The following CD200R1 variants were observed in gnomAD, a reference collection of about 807,000 sequenced individuals.
The protein encoded by CD200R1 is CD200 receptor 1.
Under a neutral mutation model 38.1 loss-of-function variants are expected in CD200R1, and 30 were observed. The observed-to-expected ratio is 0.79, with a 90% CI of 0.59 to 1.07. CD200R1 has a LOEUF of 1.07. Among genes scored for constraint, CD200R1 ranks in the 50% least tolerant of loss-of-function variants. The pLI is 0.00. For synonymous variants in CD200R1, 128 were observed against 152.1 expected (o/e 0.84, Z 1.16); for missense variants, 372 against 415.4 (o/e 0.90, Z 0.91).
intron 2 of CD200R1, among the ~76,000 whole-genome samples, chr3:112,943,107 C>A (rs1001330886): frequency 6.6e-6 from 1 of 151,608 alleles, no homozygotes; most frequent in African/African-American, 2.4e-5. Flanking sequence ...TAGCTGAATT[C>A]AACAATACCA....
At chr3:112,945,974 A>C (rs1940844051) in intron 2 of CD200R1, among the ~76,000 whole-genome samples, 1 of 142,264 alleles carries the variant, frequency 7.0e-6, no homozygotes, top group Non-Finnish European at 1.5e-5. Context: ...CGGAGCTTGC[A>C]GTGAGCCAAG....
intron 2 of CD200R1, among the ~76,000 whole-genome samples, chr3:112,931,915 C>T (rs1940451194): frequency 6.6e-6 from 1 of 152,092 alleles, no homozygotes; most frequent in South Asian, 2.1e-4. Flanking sequence ...CCTTCCACAT[C>T]CTCTTCCTGG....
intron 2 of CD200R1, among the ~76,000 whole-genome samples, chr3:112,934,662 C>T (rs896978140): frequency 6.6e-6 from 1 of 151,834 alleles, no homozygotes; most frequent in Non-Finnish European, 1.5e-5. Flanking sequence ...AAACCCCATC[C>T]CTACTAAAAA....
rs2107296786 is a variant in CD200R1, at chr3:112,921,937, C to G, written c.*1740G>C. ...TCTTGAACCTAACTATGAGCCTCAG[C>G]TCAACCAGGGTTGGATGAAGAATTA... On this transcript the variant is annotated 3_prime_UTR_variant, in exon 8 of 8. Coordinates refer to ENST00000308611, the MANE Select transcript of CD200R1 (RefSeq NM_138806.4). 6.6e-6 allele frequency: 1 copy of G among 152,168 alleles called. No individual in the cohort carries two copies. Among genetic ancestry groups the G allele is most frequent in the African/African-American group, 2.4e-5 (1 of 41,550 alleles). The allele number at this position is 152,168 out of a possible 1,614,324, so 9.4% of individuals were successfully genotyped here. A position where few individuals can be genotyped will look rare whatever the true frequency, so the allele number is the denominator to read the frequency against.
At chr3:112,925,282 C>A in intron 5 of CD200R1, 89 bp from the exon 6 acceptor site, 2 of 663,936 alleles carry the variant, frequency 3.0e-6, no homozygotes, top group Non-Finnish European at 5.2e-6. Flanking sequence ...AATGAGCTAT[C>A]AAACCATAAA....
intron 1 of CD200R1, among the ~76,000 whole-genome samples, chr3:112,963,520 C>A (rs557553852): frequency 4.6e-5 from 7 of 152,292 alleles, no homozygotes; most frequent in Admixed American, 3.9e-4. Flanking sequence ...ATACTGCCAG[C>A]ATTTTGCTCC....
chr3:112,954,389 C>T (rs1941039165), intron 1 of CD200R1, among the ~76,000 whole-genome samples: 1 of 151,876 alleles, frequency 6.6e-6, no homozygotes, highest in Non-Finnish European at 1.5e-5. Flanking sequence ...GGGTTTTGAC[C>T]CTGTTTCCTG....
Position 112,923,664 on chromosome 3 carries a change from A to C in CD200R1, c.*13T>G. The C allele has an allele frequency of 3.8e-5, 48 of 1,272,186 alleles. No homozygotes were observed. The highest frequency in any genetic ancestry group is 5.0e-5 in the Non-Finnish European group (44 of 879,732). The allele number at this position is 1,272,186 out of a possible 1,614,324, so 78.8% of individuals were successfully genotyped here. ...TCGTTTGTTGTTGTTTCTTGGTACT[A>C]GAGTCCAACAACTTATAAAGTATGG... On this transcript the variant is annotated 3_prime_UTR_variant, in exon 8 of 8. Transcript: ENST00000308611.
chr3:112,957,893 A>G (rs1941137490), intron 1 of CD200R1, among the ~76,000 whole-genome samples: 1 of 152,188 alleles, frequency 6.6e-6, no homozygotes. Context: ...AAGATGTTCA[A>G]TATTAGTAAC....
Position 112,974,889 on chromosome 3 carries a change from G to A in CD200R1, c.-32C>T. ...TTTCTCTTTTTCTGCCCTTCACTCA[G>A]TACTTTTCCTCCACACAGGTACAGA... On this transcript the variant is annotated 5_prime_UTR_variant, in exon 1 of 8. Coordinates refer to ENST00000308611, the MANE Select transcript of CD200R1 (RefSeq NM_138806.4). 6.3e-7 allele frequency: 1 copy of A among 1,581,194 alleles called. No individual in the cohort carries two copies. The highest frequency in any genetic ancestry group is 1.1e-5 in the South Asian group (1 of 90,178).
intron 5 of CD200R1, among the ~76,000 whole-genome samples, chr3:112,927,584 A>C (rs114067891): frequency 6.6e-6 from 1 of 152,194 alleles, no homozygotes; most frequent in Non-Finnish European, 1.5e-5. Context: ...AAACAAATGT[A>C]TAGAAGACAG....
intron 2 of CD200R1, among the ~76,000 whole-genome samples, chr3:112,939,953 G>GGAA (rs1940687217): frequency 2.7e-5 from 4 of 150,568 alleles, no homozygotes; most frequent in African/African-American, 9.7e-5. Context: ...AAACAGCATG[G>GGAA]TACTGGCATA....
chr3:112,937,159 C>T (rs1321904086), intron 2 of CD200R1, among the ~76,000 whole-genome samples: 1 of 152,086 alleles, frequency 6.6e-6, no homozygotes, highest in East Asian at 1.9e-4. Context: ...TCCTTTTTCA[C>T]ATGGCAGCAG....
chr3:112,945,889 G>T (rs1329684902), intron 2 of CD200R1, among the ~76,000 whole-genome samples: 1 of 151,994 alleles, frequency 6.6e-6, no homozygotes, highest in Admixed American at 6.6e-5. Context: ...TTAGCAGGGC[G>T]TGGTAGCTGG....
intron 2 of CD200R1, among the ~76,000 whole-genome samples, chr3:112,933,557 T>C (rs984019978): frequency 6.6e-6 from 1 of 152,026 alleles, no homozygotes; most frequent in Non-Finnish European, 1.5e-5. Flanking sequence ...GGTATCAACA[T>C]AGAAACACAT....
At position 112,923,554 on chromosome 3, in the gene CD200R1, C is replaced by G. The variant is rs1370124367; in HGVS notation, c.*123G>C. ...TATGAATGAGAATCCATTAAAATGT[C>G]TTCTAAGAACCTTGGAAAACCTAAT... On this transcript the variant is annotated 3_prime_UTR_variant, in exon 8 of 8. Transcript: ENST00000308611. 5 of 538,302 alleles carry G rather than the reference C, an allele frequency of 9.3e-6. No homozygotes were observed. The highest frequency in any genetic ancestry group is 1.6e-5 in the Non-Finnish European group (5 of 303,664). 33.3% of individuals were successfully genotyped at this position (538,302 alleles called of 1,614,324 possible).
rs897611284 is a variant in CD200R1 at position 112,931,113 on chromosome 3, G to A, written c.195C>T (p.Leu65=). The change falls in exon 3 of 8, where the codon CTC becomes CTT. Residue 65 remains leucine (L), a synonymous_variant. Coordinates refer to ENST00000308611, the MANE Select transcript of CD200R1 (RefSeq NM_138806.4). ...AGTAAGGAAGCATATTACCTTCTGCGAGTACTTTCGAGTAGTTCTGTGTAA... is the reference window on the plus strand; with the variant it reads ...AGTAAGGAAGCATATTACCTTCTGCAAGTACTTTCGAGTAGTTCTGTGTAA... The part of the protein sequence containing the change: ...KQITQNYSKV[L]AEVNTSWPVK... 9 of 1,608,230 alleles carry A rather than the reference G, an allele frequency of 5.6e-6. No individual in the cohort carries two copies. The highest frequency in any genetic ancestry group is 4.0e-5 in the African/African-American group (3 of 74,800).
At chr3:112,961,454 G>GT in intron 1 of CD200R1, among the ~76,000 whole-genome samples, 1 of 151,804 alleles carries the variant, frequency 6.6e-6, no homozygotes, top group East Asian at 1.9e-4. Flanking sequence ...TGTTGTTTTT[G>GT]TTTTTTTTAA....
intron 2 of CD200R1, among the ~76,000 whole-genome samples, chr3:112,941,629 TGTA>T (rs1056972356): frequency 2.0e-4 from 30 of 151,596 alleles, no homozygotes; most frequent in African/African-American, 6.8e-4. Context: ...GTTGCTATAT[TGTA>T]GTTAAAAAAA....
Sources: gnomAD v4.1 joint callset for allele counts (sites outside exome capture counted in the v4.1 genomes callset) on GRCh38, gnomAD v4.1.1 for gene constraint, MANE v1.5 for transcripts, NCBI Gene and HGNC (gene_info 2026-07-23, HGNC 2026-07-21) for gene names.